Variants in SUMF1 observed in about 807,000 individuals in gnomAD.
The protein encoded by SUMF1 is sulfatase modifying factor 1, also known as formylglycine-generating enzyme.
SUMF1 carries 48 observed loss-of-function variants against 47.6 expected under a neutral mutation model. That is an observed-to-expected ratio of 1.01 (90% CI 0.80 to 1.28). The LOEUF is 1.28. Among genes scored for constraint, SUMF1 ranks in the 50% most tolerant of loss-of-function variants. The probability of loss-of-function intolerance (pLI) is 0.00; values close to 1 mark genes in which losing one functional copy is unlikely to be tolerated. For missense variants in SUMF1, 571 were observed against 485.4 expected, an observed-to-expected ratio of 1.18 and a Z score of -1.66; for synonymous variants, 230 against 192.1, an observed-to-expected ratio of 1.20 and a Z score of -1.63.
At chr3:4,124,661 C>T (rs1347483630) in intron 8 of SUMF1, among the ~76,000 whole-genome samples, 1 of 151,804 alleles carries the variant, frequency 6.6e-6, no homozygotes, top group African/African-American at 2.4e-5. Flanking sequence ...CAAAAGGACA[C>T]ACATTTACTA....
At chr3:4,162,081 AG>A (rs1230475334) in intron 8 of SUMF1, among the ~76,000 whole-genome samples, 1 of 152,044 alleles carries the variant, frequency 6.6e-6, no homozygotes, top group African/African-American at 2.4e-5. Context: ...CTTCTGGTGC[AG>A]GGTGTACCTA....
At chr3:4,420,807 C>A (rs1295758966) in intron 3 of SUMF1, among the ~76,000 whole-genome samples, 1 of 152,132 alleles carries the variant, frequency 6.6e-6, no homozygotes, top group Admixed American at 6.5e-5. Context: ...GTTAACCCTA[C>A]AATTAAATGT....
At chr3:4,147,829 A>ATTGCT (rs1694231160) in intron 8 of SUMF1, among the ~76,000 whole-genome samples, 1 of 152,112 alleles carries the variant, frequency 6.6e-6, no homozygotes, top group Non-Finnish European at 1.5e-5. Flanking sequence ...TAGTCCTATA[A>ATTGCT]TAAGCAATAA....
intron 3 of SUMF1, among the ~76,000 whole-genome samples, chr3:4,442,294 CG>C (rs1442914786): frequency 6.8e-6 from 1 of 147,798 alleles, no homozygotes. Context: ...CTCGCTCTGT[CG>C]CCCAGGCTGG....
intron 3 of SUMF1, 85 bp from the exon 4 acceptor site, chr3:4,420,231 C>A: frequency 1.0e-6 from 1 of 992,666 alleles, no homozygotes; most frequent in South Asian, 1.3e-5. Context: ...GCAAAAATCT[C>A]AATGTCTTCA....
intron 3 of SUMF1, among the ~76,000 whole-genome samples, chr3:4,438,349 C>T (rs1380745247): frequency 6.6e-6 from 1 of 152,174 alleles, no homozygotes; most frequent in Non-Finnish European, 1.5e-5. Context: ...CTCCTTTCAA[C>T]TAGGCCCTGA....
intron 8 of SUMF1, among the ~76,000 whole-genome samples, chr3:4,275,964 A>T (rs1367603900): frequency 1.3e-5 from 2 of 152,136 alleles, no homozygotes; most frequent in Non-Finnish European, 2.9e-5. Flanking sequence ...TAACTCCTAG[A>T]AGGCTAATTT....
At chr3:4,437,408 C>T (rs1379608987) in intron 3 of SUMF1, among the ~76,000 whole-genome samples, 1 of 151,682 alleles carries the variant, frequency 6.6e-6, no homozygotes, top group Non-Finnish European at 1.5e-5. Context: ...AGAAGACAAG[C>T]ACAGTTGGAA....
chr3:4,280,101 A>G (rs1270255509), intron 8 of SUMF1, among the ~76,000 whole-genome samples: 3 of 152,172 alleles, frequency 2.0e-5, no homozygotes, highest in Non-Finnish European at 4.4e-5. Context: ...TACCACACAC[A>G]AAAAAGATGT....
At chr3:4,346,354 A>G (rs1009709868) in intron 8 of SUMF1, among the ~76,000 whole-genome samples, 2 of 152,220 alleles carry the variant, frequency 1.3e-5, no homozygotes, top group Non-Finnish European at 2.9e-5. Context: ...CAATCAAACT[A>G]GAACTCAGGA....
chr3:4,284,580 A>G (rs1697595396), intron 8 of SUMF1, among the ~76,000 whole-genome samples: 1 of 151,872 alleles, frequency 6.6e-6, no homozygotes, highest in South Asian at 2.1e-4. Context: ...CATGTGATTG[A>G]TCCACTTTAA....
At chr3:4,405,321 T>C (rs1182882335) in intron 7 of SUMF1, among the ~76,000 whole-genome samples, 3 of 152,172 alleles carry the variant, frequency 2.0e-5, no homozygotes, top group African/African-American at 7.2e-5. Context: ...AGGGGTGGCC[T>C]CTGCACACCA....
chr3:4,207,460 T>G lies in SUMF1; in HGVS notation c.1015-138715A>C, dbSNP rs926454772. Among the ~76,000 whole-genome samples the G allele has an allele frequency of 1.3e-5, 2 of 152,164 alleles. 1 individual carries two copies. Among genetic ancestry groups the G allele is most frequent in the East Asian group, 3.8e-4 (2 of 5,198 alleles). Reference sequence around the variant, plus strand: ...TTTTAATATTAACCATGAAATTACCTGCAGCTCAGGTTGAAGAAATGTTTA... The same window carrying G: ...TTTTAATATTAACCATGAAATTACCGGCAGCTCAGGTTGAAGAAATGTTTA... On this transcript the variant is annotated intron_variant and NMD_transcript_variant, in intron 8 of 12. Transcript: ENST00000448413.
intron 8 of SUMF1, among the ~76,000 whole-genome samples, chr3:4,304,675 G>A (rs1425672893): frequency 6.6e-6 from 1 of 152,144 alleles, no homozygotes; most frequent in Non-Finnish European, 1.5e-5. Flanking sequence ...AACCCTATCT[G>A]CCCTTTCTTT....
intron 1 of SUMF1, among the ~76,000 whole-genome samples, chr3:4,466,319 C>T (rs528845072): frequency 3.3e-5 from 5 of 152,190 alleles, no homozygotes; most frequent in Admixed American, 3.3e-4. Context: ...GCCATGTTGG[C>T]CAGGCTGGTC....
At chr3:4,041,975 A>G (rs1229262222) in intron 9 of SUMF1, among the ~76,000 whole-genome samples, 2 of 152,128 alleles carry the variant, frequency 1.3e-5, no homozygotes, top group African/African-American at 4.8e-5. Flanking sequence ...TACAAAGATG[A>G]TAATAGTCCC....
chr3:4,035,882 T>C (rs1269370287), intron 9 of SUMF1, among the ~76,000 whole-genome samples: 1 of 4,998 alleles, frequency 2.0e-4, no homozygotes, highest in Non-Finnish European at 9.1e-3. Context: ...TTGTGAGATA[T>C]GTTAGAGACA....
intron 8 of SUMF1, among the ~76,000 whole-genome samples, chr3:4,206,696 G>C (rs1216331914): frequency 6.6e-6 from 1 of 152,224 alleles, no homozygotes; most frequent in Non-Finnish European, 1.5e-5. Context: ...TGGTTCTCAT[G>C]GGGGTGCTTT....
rs777820934 is a variant in SUMF1, at chr3:4,313,502, CAGA to C, written c.1014+62825_1014+62827del. ...CTTTTTGCAGCCAAAGATATTGTGC[CAGA>C]AGAAGAACTCTCTTATGATTATTCA... On this transcript the variant is annotated intron_variant and NMD_transcript_variant, in intron 8 of 12. Coordinates refer to the SUMF1 transcript ENST00000448413. 98 of 1,613,730 alleles carry C rather than the reference CAGA, an allele frequency of 6.1e-5. 1 individual carries two copies. The highest frequency in any genetic ancestry group is 4.7e-4 in the Admixed American group (28 of 59,940).
Sources: gnomAD v4.1 joint callset for allele counts (sites outside exome capture counted in the v4.1 genomes callset) on GRCh38, gnomAD v4.1.1 for gene constraint, MANE v1.5 for transcripts, NCBI Gene and HGNC (gene_info 2026-07-23, HGNC 2026-07-21) for gene names.